RBMS1: variants seen among roughly 807,000 people sequenced by gnomAD.
The protein encoded by RBMS1 is RNA binding motif single stranded interacting protein 1.
Under a neutral mutation model 62.3 loss-of-function variants are expected in RBMS1, and 17 were observed. The ratio of observed to expected loss-of-function variants is 0.27; its 90% CI spans 0.19 to 0.41. The LOEUF (loss-of-function observed/expected upper bound fraction) is 0.41, where lower values mean the gene tolerates loss of function less well. Ranked by LOEUF, RBMS1 falls within the 10% of genes least tolerant of loss-of-function variation. RBMS1 has a pLI of 1.00. For synonymous variants in RBMS1, 172 were observed against 170.0 expected, an observed-to-expected ratio of 1.01 and a Z score of -0.09; for missense variants, 334 against 504.5, an observed-to-expected ratio of 0.66 and a Z score of 3.24.
At chr2:160,362,547 T>G (rs191833912) in intron 2 of RBMS1, among the ~76,000 whole-genome samples, 2 of 152,242 alleles carry the variant, frequency 1.3e-5, no homozygotes, top group Admixed American at 1.3e-4. Context: ...AGAACACACA[T>G]AACATTTATT....
intron 3 of RBMS1, among the ~76,000 whole-genome samples, chr2:160,315,024 T>C (rs568295721): frequency 1.6e-4 from 25 of 152,348 alleles, no homozygotes; most frequent in Admixed American, 6.5e-4. Context: ...GTTTTTTCCT[T>C]CAATTTTGCT....
At chr2:160,292,069 T>C (rs1407745590) in intron 6 of RBMS1, among the ~76,000 whole-genome samples, 1 of 152,232 alleles carries the variant, frequency 6.6e-6, no homozygotes, top group African/African-American at 2.4e-5. Flanking sequence ...TTATTGTAAC[T>C]AACACCGCAG....
chr2:160,458,580 T>G (rs1309834733), intron 1 of RBMS1, among the ~76,000 whole-genome samples: 2 of 152,104 alleles, frequency 1.3e-5, no homozygotes, highest in South Asian at 4.1e-4. Context: ...GTGGATCACC[T>G]GGGGTCAGGG....
intron 5 of RBMS1, among the ~76,000 whole-genome samples, chr2:160,303,096 T>C (rs1228992962): frequency 6.6e-6 from 1 of 152,202 alleles, no homozygotes; most frequent in Non-Finnish European, 1.5e-5. Flanking sequence ...GCTCATGTGA[T>C]AGTTCCTTTC....
At chr2:160,473,881 A>G (rs568554490) in intron 1 of RBMS1, among the ~76,000 whole-genome samples, 1 of 152,266 alleles carries the variant, frequency 6.6e-6, no homozygotes, top group Non-Finnish European at 1.5e-5. Flanking sequence ...AATATTTTCA[A>G]TACCTTTTAT....
At chr2:160,411,547 A>G (rs1184392045) in intron 1 of RBMS1, among the ~76,000 whole-genome samples, 1 of 152,200 alleles carries the variant, frequency 6.6e-6, no homozygotes, top group African/African-American at 2.4e-5. Flanking sequence ...GCTTAAAGGA[A>G]TCTGGACTTT....
chr2:160,484,853 A>T (rs12475667), intron 1 of RBMS1, among the ~76,000 whole-genome samples: 39,703 of 147,824 alleles, frequency 0.27, 6,099 homozygotes, highest in East Asian at 0.6. Context: ...CCTGGGCGAC[A>T]GAGCAAGACT....
intron 1 of RBMS1, among the ~76,000 whole-genome samples, chr2:160,465,540 C>T (rs1388130911): frequency 6.6e-6 from 1 of 152,104 alleles, no homozygotes; most frequent in Non-Finnish European, 1.5e-5. Flanking sequence ...CTAGATCTTA[C>T]TCAGGTAAGA....
intron 1 of RBMS1, among the ~76,000 whole-genome samples, chr2:160,445,891 G>A (rs564920031): frequency 2.0e-5 from 3 of 152,124 alleles, no homozygotes; most frequent in South Asian, 4.2e-4. Context: ...TCACCCCACT[G>A]CCTTGTTGCT....
Position 160,367,384 on chromosome 2 carries a change from A to G in RBMS1, c.83T>C (p.Leu28Pro). 1 of 1,614,100 alleles carries G rather than the reference A, an allele frequency of 6.2e-7. No homozygotes were observed. The highest frequency in any genetic ancestry group is 8.5e-7 in the Non-Finnish European group (1 of 1,179,972). The change falls in exon 2 of 14, where the codon CTG (leucine) becomes CCG (proline). Residue 28 changes from leucine (L) to proline (P), a missense_variant. Leu to Pro is a moderately conservative substitution (Grantham distance 98). This residue lies in a region of RBMS1 where 150 missense variants were observed against 228.0 expected (regional missense o/e 0.66). Transcript: ENST00000348849. ...AGGGGCCATGGGGTGGGCTGGGACC[A>G]GAGACTGCTGGAAAACAAAGATCAG... ...YPQYLQAKQS[L>P]VPAHPMAPPS...
In RBMS1 at chr2:160,320,173, G is replaced by T. The variant is rs180948082; in HGVS notation, c.252-1946C>A. Among the ~76,000 whole-genome samples, 187 of 152,270 alleles carry T rather than the reference G, an allele frequency of 1.2e-3. 1 individual carries two copies. The highest frequency in any genetic ancestry group is 4.3e-3 in the African/African-American group (179 of 41,548). ...TTTCACCCATCCAAATCTCATGTTGGAATATGATTCCCAGCTGAGCATGGT... is the reference window on the plus strand; with the variant it reads ...TTTCACCCATCCAAATCTCATGTTGTAATATGATTCCCAGCTGAGCATGGT... On this transcript the variant is annotated intron_variant, in intron 2 of 13. Transcript: ENST00000348849.
intron 2 of RBMS1, among the ~76,000 whole-genome samples, chr2:160,355,363 T>C (rs1692741236): frequency 6.6e-6 from 1 of 152,112 alleles, no homozygotes; most frequent in Non-Finnish European, 1.5e-5. Flanking sequence ...CACTAACTCA[T>C]AAAGCAAACA....
intron 1 of RBMS1, among the ~76,000 whole-genome samples, chr2:160,460,419 G>A (rs920168264): frequency 2.0e-5 from 3 of 152,168 alleles, no homozygotes; most frequent in East Asian, 1.9e-4. Context: ...AGTCAGCATC[G>A]TTTCCCCAGT....
chr2:160,374,340 C>T (rs1248450972), intron 1 of RBMS1, among the ~76,000 whole-genome samples: 1 of 152,046 alleles, frequency 6.6e-6, no homozygotes, highest in African/African-American at 2.4e-5. Flanking sequence ...AGAGGAGTGA[C>T]CAACAAGGAC....
At chr2:160,493,068 C>A (rs527267638) in intron 1 of RBMS1, 6 of 519,230 alleles carry the variant, frequency 1.2e-5, no homozygotes, top group African/African-American at 4.1e-5. Context: ...TCTCTCCCCC[C>A]GCGGCTTTCT....
rs368127322 is a variant in RBMS1, at chr2:160,278,674, C to T, written c.952-16G>A. The T allele has an allele frequency of 2.6e-6, 4 of 1,560,860 alleles. No individual in the cohort carries two copies. The African/African-American group carries it at 5.4e-5, about 21-fold the overall frequency. On this transcript the variant is annotated splice_polypyrimidine_tract_variant and intron_variant, in intron 10 of 13. Coordinates refer to ENST00000348849, the MANE Select transcript of RBMS1 (RefSeq NM_016836.4). ...ACACGGCACCCTGGGGAGTTGGAGA[C>T]AGGAGCAAAATTAGACAAACTGAGG...
chr2:160,325,588 C>T (rs955739224), intron 2 of RBMS1, among the ~76,000 whole-genome samples: 5 of 152,154 alleles, frequency 3.3e-5, no homozygotes, highest in Admixed American at 2.6e-4. Context: ...AATGGCCTCC[C>T]AGACAAAGGG....
intron 7 of RBMS1, among the ~76,000 whole-genome samples, chr2:160,286,019 G>A (rs888711297): frequency 6.6e-6 from 1 of 152,034 alleles, no homozygotes; most frequent in African/African-American, 2.4e-5. Context: ...GCTGAGGCAG[G>A]AGAATGGCAT....
chr2:160,487,099 T>A (rs1401842347), intron 1 of RBMS1, among the ~76,000 whole-genome samples: 3 of 152,152 alleles, frequency 2.0e-5, no homozygotes, highest in Non-Finnish European at 4.4e-5. Flanking sequence ...TACAAAAAAA[T>A]TATTCGTTTA....
Sources: allele counts gnomAD v4.1 joint callset (sites outside exome capture counted in the v4.1 genomes callset), GRCh38; gene constraint gnomAD v4.1.1; regional missense constraint gnomAD v4.1.1; transcripts MANE v1.5; gene names NCBI Gene and HGNC (gene_info 2026-07-23, HGNC 2026-07-21).